Variants in MAP4K4 observed in about 807,000 individuals in gnomAD.
The protein encoded by MAP4K4 is mitogen-activated protein kinase kinase kinase kinase 4, also known as HPK/GCK-like kinase HGK.
A neutral mutation model predicts 189.6 loss-of-function variants in MAP4K4; 38 were observed. That is an observed-to-expected ratio of 0.20 (90% CI 0.15 to 0.26). The LOEUF is 0.26. Ranked by LOEUF, MAP4K4 falls within the 10% of genes least tolerant of loss-of-function variation. MAP4K4 has a pLI of 1.00. For missense variants in MAP4K4, 1,054 were observed against 1,726.9 expected (o/e 0.61, Z 6.91); for synonymous variants, 610 against 624.3 (o/e 0.98, Z 0.34).
In MAP4K4 at chr2:101,870,462, C is replaced by A; in HGVS notation, c.2760+47C>A. 1.9e-6 allele frequency: 3 copies of A among 1,605,254 alleles called. No homozygotes were observed. The South Asian group carries it at 3.3e-5, about 18-fold the overall frequency. On this transcript the variant is annotated intron_variant, in intron 23 of 32. Coordinates refer to ENST00000324219, the Ensembl canonical transcript of MAP4K4. ...TCAGAGGCTGAGCTTCTCCTGTGGT[C>A]ATTAACCCACTTGCTCATTCACTCA...
At chr2:101,817,789 G>A (rs779667792) in intron 3 of MAP4K4, among the ~76,000 whole-genome samples, 7 of 152,306 alleles carry the variant, frequency 4.6e-5, no homozygotes, top group South Asian at 2.1e-4. Context: ...GATGCGTTGC[G>A]TTTTTGTTTG....
intron 2 of MAP4K4, among the ~76,000 whole-genome samples, chr2:101,769,347 G>C (rs2080198518): frequency 6.6e-6 from 1 of 152,148 alleles, no homozygotes; most frequent in Non-Finnish European, 1.5e-5. Flanking sequence ...TGGCCTCCTG[G>C]TGCTTACAGA....
intron 2 of MAP4K4, among the ~76,000 whole-genome samples, chr2:101,752,645 A>T (rs116421171): frequency 6.6e-6 from 1 of 152,182 alleles, no homozygotes; most frequent in South Asian, 2.1e-4. Context: ...GCTTTCACCT[A>T]TGAGGATGAA....
chr2:101,858,706 T>C (rs2097549088), intron 13 of MAP4K4, among the ~76,000 whole-genome samples: 1 of 152,212 alleles, frequency 6.6e-6, no homozygotes, highest in Non-Finnish European at 1.5e-5. Context: ...TGGCATACTG[T>C]TTTAAAATTC....
chr2:101,814,457 G>C (rs917796821), intron 3 of MAP4K4, among the ~76,000 whole-genome samples: 1 of 152,180 alleles, frequency 6.6e-6, no homozygotes, highest in Non-Finnish European at 1.5e-5. Flanking sequence ...CTGTGATACA[G>C]AGGTCACTTA....
At chr2:101,817,697 G>A (rs918723799) in intron 3 of MAP4K4, among the ~76,000 whole-genome samples, 3 of 152,176 alleles carry the variant, frequency 2.0e-5, no homozygotes, top group African/African-American at 7.2e-5. Context: ...AGAAGAGGGC[G>A]GGTCCAGGGC....
chr2:101,793,704 G>C (rs1166299953), intron 3 of MAP4K4, among the ~76,000 whole-genome samples: 1 of 151,718 alleles, frequency 6.6e-6, no homozygotes, highest in East Asian at 1.9e-4. Context: ...CAGGTCACTA[G>C]TTATTCCTCA....
Position 101,776,515 on chromosome 2 carries a change from AT to A in MAP4K4, c.124-14204del, listed in dbSNP as rs891565242. 2.6e-3 allele frequency among the ~76,000 whole-genome samples: 397 copies of A among 152,098 alleles called. 1 individual carries two copies. Among genetic ancestry groups the A allele is most frequent in the African/African-American group, 9.0e-3 (374 of 41,486 alleles). On this transcript the variant is annotated intron_variant, in intron 2 of 32. Coordinates refer to ENST00000324219, the Ensembl canonical transcript of MAP4K4. ...GCTAGAAATCTGGGTTTAAAAAAAA[AT>A]ATACAGCTTTCTAATTTTTGGAATG...
exon 13 of MAP4K4, chr2:101,856,017 G>T: frequency 6.4e-7 from 1 of 1,551,714 alleles, no homozygotes; most frequent in Non-Finnish European, 8.7e-7. Flanking sequence ...CAGCAGGAAC[G>T]TGAACAGCGA....
intron 2 of MAP4K4, among the ~76,000 whole-genome samples, chr2:101,783,394 A>G (rs1042010261): frequency 6.6e-6 from 1 of 152,200 alleles, no homozygotes; most frequent in East Asian, 1.9e-4. Flanking sequence ...AATAAATACT[A>G]TGTAAGTCTG....
At chr2:101,839,491 C>G (rs947209227) in intron 9 of MAP4K4, among the ~76,000 whole-genome samples, 1 of 152,176 alleles carries the variant, frequency 6.6e-6, no homozygotes, top group African/African-American at 2.4e-5. Flanking sequence ...CCTTTACCCC[C>G]TTGCTGCCAC....
intron 2 of MAP4K4, among the ~76,000 whole-genome samples, chr2:101,755,621 T>A (rs565101491): frequency 6.6e-6 from 1 of 152,220 alleles, no homozygotes; most frequent in South Asian, 2.1e-4. Flanking sequence ...AGCTGCACAC[T>A]CTTTTCTTCT....
At chr2:101,759,213 G>A (rs12622347) in intron 2 of MAP4K4, among the ~76,000 whole-genome samples, 114,003 of 151,416 alleles carry the variant, frequency 0.75, 43,371 homozygotes, top group African/African-American at 0.88. Context: ...GGGTCATTCA[G>A]TTAGGTTAGG....
rs36217584 is a variant in MAP4K4, at chr2:101,851,724, C to CT, written c.1234-4221dup. Among the ~76,000 whole-genome samples, 124 of 67,832 alleles carry CT rather than the reference C, an allele frequency of 1.8e-3. 4 individuals carry two copies. Among genetic ancestry groups the CT allele is most frequent in the African/African-American group, 2.7e-3 (70 of 26,296 alleles). The allele number at this position is 67,832 out of a possible 152,430, so 44.5% of individuals were successfully genotyped here. A position where few individuals can be genotyped will look rare whatever the true frequency, so the allele number is the denominator to read the frequency against. On this transcript the variant is annotated intron_variant, in intron 12 of 32. Transcript: ENST00000324219. ...TGGAAGAGAAGTTGGTAACTGTCCTCTTTTTTTTTTTTTTTTTTTTTTTTT... is the reference window on the plus strand; with the variant it reads ...TGGAAGAGAAGTTGGTAACTGTCCTCTTTTTTTTTTTTTTTTTTTTTTTTTT...
At chr2:101,803,230 TTGA>T (rs201605383) in intron 3 of MAP4K4, among the ~76,000 whole-genome samples, 3 of 144,500 alleles carry the variant, frequency 2.1e-5, no homozygotes, top group Non-Finnish European at 4.5e-5. Flanking sequence ...ATATGCTTGG[TTGA>T]TGATGATGAT....
intron 12 of MAP4K4, among the ~76,000 whole-genome samples, chr2:101,854,980 C>T (rs189367189): frequency 8.5e-5 from 13 of 152,302 alleles, no homozygotes; most frequent in Admixed American, 3.9e-4. Context: ...ATTAGCAACA[C>T]GTGACTAGTG....
At chr2:101,858,934 T>C in intron 13 of MAP4K4, 62 bp from the exon 14 acceptor site, 2 of 1,241,884 alleles carry the variant, frequency 1.6e-6, no homozygotes, top group Non-Finnish European at 2.4e-6. Flanking sequence ...GGTGCTCCAT[T>C]CAGGTGGTTC....
intron 2 of MAP4K4, among the ~76,000 whole-genome samples, chr2:101,741,065 A>G (rs1022294102): frequency 5.3e-5 from 8 of 152,316 alleles, no homozygotes; most frequent in South Asian, 2.1e-4. Flanking sequence ...ATCAAATTCA[A>G]CTTTGATGCT....
chr2:101,868,944 C>G (rs928820225), intron 21 of MAP4K4, among the ~76,000 whole-genome samples: 5 of 151,844 alleles, frequency 3.3e-5, no homozygotes, highest in Non-Finnish European at 5.9e-5. Flanking sequence ...ACAAAGTCTT[C>G]TTTAAAGGGG....
Sources: gnomAD v4.1 joint callset for allele counts (sites outside exome capture counted in the v4.1 genomes callset) on GRCh38, gnomAD v4.1.1 for gene constraint, MANE v1.5 for transcripts, NCBI Gene and HGNC (gene_info 2026-07-23, HGNC 2026-07-21) for gene names.